ARHGEF28: variants seen among roughly 807,000 people sequenced by gnomAD.
ARHGEF28 encodes Rho guanine nucleotide exchange factor 28, also known as 190 kDa guanine nucleotide exchange factor.
A neutral mutation model predicts 206.6 loss-of-function variants in ARHGEF28; 152 were observed. The observed-to-expected ratio is 0.74, with a 90% CI of 0.64 to 0.84. The LOEUF is 0.84. ARHGEF28 is among the 40% of genes least tolerant of loss of function. ARHGEF28 has a pLI of 0.00. For missense variants in ARHGEF28, 2,028 were observed against 2,073.2 expected (o/e 0.98, Z 0.42); for synonymous variants, 763 against 776.4 (o/e 0.98, Z 0.29).
Position 73,909,592 on chromosome 5 carries a change from C to G in ARHGEF28, c.4342C>G (p.Gln1448Glu). 6.4e-7 allele frequency: 1 copy of G among 1,557,300 alleles called. No homozygotes were observed. Among genetic ancestry groups the G allele is most frequent in the Non-Finnish European group, 8.7e-7 (1 of 1,150,880 alleles). ...TGTGCACCAGCTTCAGCACCAGCTC[C>G]AGCAGGAGCAGCGGCGCTGGCTGCG... ...ANVHQLQHQL[Q>E]QEQRRWLRRC... Residue 1448 changes from glutamine to glutamate, a missense_variant, in exon 34 of 36, where the codon CAG becomes GAG. Physicochemically the swap from Gln to Glu is conservative, Grantham distance 29 (BLOSUM62 2). This residue lies in a region of ARHGEF28 where 803 missense variants were observed against 768.0 expected (regional missense o/e 1.05). Coordinates refer to ENST00000513042, the MANE Select transcript of ARHGEF28 (RefSeq NM_001177693.2).
At chr5:73,639,817 T>C (rs1240235004) in intron 1 of ARHGEF28, among the ~76,000 whole-genome samples, 1 of 152,194 alleles carries the variant, frequency 6.6e-6, no homozygotes, top group African/African-American at 2.4e-5. Context: ...TTAGAGGCAT[T>C]CCTGCTATTC....
chr5:73,747,576 T>C (rs964600393), intron 2 of ARHGEF28, among the ~76,000 whole-genome samples: 53 of 152,214 alleles, frequency 3.5e-4, no homozygotes, highest in Non-Finnish European at 1.3e-4. Flanking sequence ...CTCCTGCCCA[T>C]CCATTTCTGT....
intron 29 of ARHGEF28, among the ~76,000 whole-genome samples, chr5:73,897,062 G>A (rs1436550022): frequency 3.3e-5 from 5 of 152,116 alleles, no homozygotes; most frequent in Admixed American, 2.6e-4. Flanking sequence ...CGTCTTCCTG[G>A]GACTTCACTC....
intron 33 of ARHGEF28, chr5:73,905,229 T>G (rs1490143811): frequency 6.6e-6 from 1 of 151,792 alleles, no homozygotes; most frequent in Non-Finnish European, 1.5e-5. Context: ...CCCCTCCTTA[T>G]GAGAATCTAA....
chr5:73,640,016 G>C (rs1743967118), intron 1 of ARHGEF28, among the ~76,000 whole-genome samples: 1 of 152,192 alleles, frequency 6.6e-6, no homozygotes, highest in South Asian at 2.1e-4. Flanking sequence ...TGGTTAAAAT[G>C]AGATGCACAT....
At chr5:73,831,993 A>ACCTTTATT (rs200855234) in intron 9 of ARHGEF28, among the ~76,000 whole-genome samples, 1,844 of 152,314 alleles carry the variant, frequency 0.012, 28 homozygotes, top group African/African-American at 0.039. Flanking sequence ...GTCCGGCCTG[A>ACCTTTATT]AGTTTAGTTA....
chr5:73,801,164 T>C (rs1347144945), intron 9 of ARHGEF28, among the ~76,000 whole-genome samples: 3 of 152,180 alleles, frequency 2.0e-5, no homozygotes, highest in African/African-American at 4.8e-5. Context: ...AAGAGGATCT[T>C]GGCCGGGCGC....
intron 1 of ARHGEF28, among the ~76,000 whole-genome samples, chr5:73,660,573 T>C (rs866692570): frequency 2.0e-5 from 3 of 152,210 alleles, no homozygotes; most frequent in African/African-American, 4.8e-5. Flanking sequence ...GATTAATCAT[T>C]ATTTATGGCA....
chr5:73,633,821 C>T (rs191140009), intron 1 of ARHGEF28, among the ~76,000 whole-genome samples: 51 of 149,040 alleles, frequency 3.4e-4, no homozygotes, highest in Non-Finnish European at 4.5e-5. Flanking sequence ...AGGTGATCTA[C>T]CCCCGTTGGC....
In ARHGEF28 at chr5:73,885,427, A is replaced by T. The variant is rs368098332; in HGVS notation, c.3056-423A>T. On this transcript the variant is annotated intron_variant, in intron 24 of 35. Coordinates refer to ENST00000513042, the MANE Select transcript of ARHGEF28 (RefSeq NM_001177693.2). ...AAACCTTTCATAATAAAATATTTTA[A>T]CATTTTTTTGGTGGGGGGGTGGTAC... Among the ~76,000 whole-genome samples, 83 of 152,106 alleles carry T rather than the reference A, an allele frequency of 5.5e-4. 1 individual carries two copies. Among genetic ancestry groups the T allele is most frequent in the South Asian group, 2.3e-3 (11 of 4,806 alleles).
intron 2 of ARHGEF28, among the ~76,000 whole-genome samples, chr5:73,725,113 T>A (rs1750195761): frequency 1.3e-5 from 2 of 152,246 alleles, no homozygotes; most frequent in South Asian, 4.1e-4. Context: ...GGTATGTGCA[T>A]AATCTATTTA....
chr5:73,896,732 T>C (rs1057482686), intron 29 of ARHGEF28, among the ~76,000 whole-genome samples: 2 of 152,222 alleles, frequency 1.3e-5, no homozygotes, highest in African/African-American at 4.8e-5. Context: ...TGATAAAGGC[T>C]TGATGAAATA....
intron 10 of ARHGEF28, 39 bp from the exon 11 acceptor site, chr5:73,840,441 C>G: frequency 2.5e-6 from 4 of 1,592,080 alleles, no homozygotes; most frequent in Non-Finnish European, 3.4e-6. Flanking sequence ...CCAATCTTAC[C>G]TGCTTTTACT....
chr5:73,893,462 C>T, intron 28 of ARHGEF28, 174 bp downstream of exon 28: 1 of 443,128 alleles, frequency 2.3e-6, no homozygotes. Context: ...AGATGACATT[C>T]TCTTCACTTC....
At chr5:73,891,803 G>A (rs1761658007) in intron 26 of ARHGEF28, among the ~76,000 whole-genome samples, 1 of 152,154 alleles carries the variant, frequency 6.6e-6, no homozygotes, top group South Asian at 2.1e-4. Context: ...GGGATTACAG[G>A]AGGGAGCCGT....
intron 4 of ARHGEF28, among the ~76,000 whole-genome samples, chr5:73,769,017 CT>C (rs1753068761): frequency 6.6e-6 from 1 of 152,058 alleles, no homozygotes; most frequent in Admixed American, 6.6e-5. Context: ...TAAGAAGTGC[CT>C]TTTGCCTTCC....
chr5:73,642,054 G>C (rs1045463185), intron 1 of ARHGEF28, among the ~76,000 whole-genome samples: 8 of 152,180 alleles, frequency 5.3e-5, no homozygotes, highest in African/African-American at 1.9e-4. Context: ...CTAAGCCCTT[G>C]CTCTCATCAC....
rs777052982 is a variant in ARHGEF28 at position 73,776,567 on chromosome 5, A to C, written c.711A>C (p.Glu237Asp). The C allele has an allele frequency of 5.6e-6, 9 of 1,613,800 alleles. No individual in the cohort carries two copies. In the African/African-American group the frequency reaches 1.2e-4, roughly 22 times the overall value. Reference sequence around the variant, plus strand: ...TCTCCCGAGTGCAGCTCAGTGAAGAAGCCTCCTTGCATTACATTCACTCAT... The same window carrying C: ...TCTCCCGAGTGCAGCTCAGTGAAGACGCCTCCTTGCATTACATTCACTCAT... The part of the protein sequence containing the change: ...PSFSRVQLSE[E>D]ASLHYIHSSE... Residue 237 changes from glutamate to aspartate, a missense_variant, in exon 6 of 36, where the codon GAA becomes GAC. By Grantham distance (45) the Glu-to-Asp change is conservative (BLOSUM62 2). Around this residue, in one of 3 missense-constraint regions of ARHGEF28, gnomAD observed 1,002 missense variants for 1,015.3 expected, o/e 0.99. Transcript: ENST00000513042.
At chr5:73,736,869 A>T (rs1412447667) in intron 2 of ARHGEF28, among the ~76,000 whole-genome samples, 1 of 152,082 alleles carries the variant, frequency 6.6e-6, no homozygotes, top group Admixed American at 6.5e-5. Context: ...GAGGTAGAAG[A>T]GGGAGAAAGA....
Sources: allele counts gnomAD v4.1 joint callset (sites outside exome capture counted in the v4.1 genomes callset), GRCh38; gene constraint gnomAD v4.1.1; regional missense constraint gnomAD v4.1.1; transcripts MANE v1.5; gene names NCBI Gene and HGNC (gene_info 2026-07-23, HGNC 2026-07-21).